Variants in TXNRD2 observed in about 807,000 individuals in gnomAD.
The protein encoded by TXNRD2 is thioredoxin reductase 2, mitochondrial.
Under a neutral mutation model 70.8 loss-of-function variants are expected in TXNRD2, and 67 were observed. The observed-to-expected ratio is 0.95, with a 90% CI of 0.78 to 1.16. The LOEUF is 1.16. Ranked by LOEUF, TXNRD2 falls within the 50% of genes most tolerant of loss-of-function variation. The probability of loss-of-function intolerance (pLI) is 0.00; values close to 1 mark genes in which losing one functional copy is unlikely to be tolerated. For missense variants in TXNRD2, 644 were observed against 719.9 expected (o/e 0.89, Z 1.21); for synonymous variants, 301 against 295.8 (o/e 1.02, Z -0.18).
chr22:19,939,969 C>A, intron 1 of TXNRD2, among the ~76,000 whole-genome samples: 1 of 152,022 alleles, frequency 6.6e-6, no homozygotes, highest in East Asian at 1.9e-4. Context: ...CTCGGCTGGG[C>A]GCAGTGGCTC....
At position 19,899,044 on chromosome 22, in the gene TXNRD2, G is replaced by C. The variant is rs1470456087; in HGVS notation, c.682+5C>G. ...GACGGCCACCTGCACGCTTGCAAAG[G>C]ATACAGCTGGCCCCGACCACCAACC... is the stretch of plus-strand genomic sequence containing the variant. On this transcript the variant is annotated splice_donor_5th_base_variant and intron_variant, in intron 9 of 17. Transcript: ENST00000400521. The C allele has an allele frequency of 8.1e-6, 13 of 1,606,378 alleles. No homozygotes were observed. In the South Asian group the frequency reaches 1.4e-4, roughly 18 times the overall value.
In TXNRD2 at chr22:19,918,131, G is replaced by A. The variant is rs1940718832; in HGVS notation, c.449+12C>T. The A allele has an allele frequency of 6.2e-7, 1 of 1,613,322 alleles. No homozygotes were observed. Among genetic ancestry groups the A allele is most frequent in the Non-Finnish European group, 8.5e-7 (1 of 1,179,394 alleles). Reference sequence around the variant, plus strand: ...CCAGAGGGCGGCCCATTCCCGGAGAGAGCTTCAGTACCTGTCCTGAAGCTG... The same window carrying A: ...CCAGAGGGCGGCCCATTCCCGGAGAAAGCTTCAGTACCTGTCCTGAAGCTG... On this transcript the variant is annotated intron_variant, in intron 5 of 17. Coordinates refer to ENST00000400521, the MANE Select transcript of TXNRD2 (RefSeq NM_006440.5).
chr22:19,917,226 G>C (rs1180051195), intron 5 of TXNRD2, among the ~76,000 whole-genome samples: 1 of 152,206 alleles, frequency 6.6e-6, no homozygotes, highest in African/African-American at 2.4e-5. Context: ...CCGTCCAGGA[G>C]CTGCCCAGGG....
chr22:19,889,196 T>C (rs1345469881), intron 11 of TXNRD2, among the ~76,000 whole-genome samples: 1 of 152,130 alleles, frequency 6.6e-6, no homozygotes, highest in East Asian at 1.9e-4. Context: ...TCAAGCTGCC[T>C]ATGTGCATTA....
At position 19,895,495 on chromosome 22, in the gene TXNRD2, G is replaced by A. The variant is rs746457439; in HGVS notation, c.861C>T (p.Leu287=). 2.5e-6 allele frequency: 4 copies of A among 1,613,834 alleles called. No individual in the cohort carries two copies. The Admixed American group carries it at 6.7e-5, about 27-fold the overall frequency. ...AGGTGACCTGCAGCTGGCCATCAGG[G>A]AGCCTCCTGACCCGCGAGGGGGCAC... is the stretch of plus-strand genomic sequence containing the variant. The part of the protein sequence containing the change: ...RGCAPSRVRR[L]PDGQLQVTWE... Residue 287 remains leucine (L), a synonymous_variant, in exon 11 of 18, where the codon CTC becomes CTT. Transcript: ENST00000400521.
rs758790391 is a variant in TXNRD2, at chr22:19,878,164, T to TG, written c.1370dup (p.Gln458ThrfsTer45). The TG allele has an allele frequency of 6.8e-6, 11 of 1,613,246 alleles. No individual in the cohort carries two copies. The African/African-American group carries it at 1.5e-4, about 21-fold the overall frequency. ...GGAAATGCAGGCCCAGCACCAGCTG[T>TG]GGGGGCTCCCTCAGGCACACCATCT... On this transcript the variant is annotated frameshift_variant, in exon 16 of 18. Coordinates refer to ENST00000400521, the MANE Select transcript of TXNRD2 (RefSeq NM_006440.5). LOFTEE classifies it high-confidence loss of function.
chr22:19,879,466 G>A (rs1180524230), intron 14 of TXNRD2, among the ~76,000 whole-genome samples: 1 of 150,734 alleles, frequency 6.6e-6, no homozygotes, highest in Non-Finnish European at 1.5e-5. Flanking sequence ...AAGCAGGCTT[G>A]CTCGATGAAA....
In TXNRD2 at chr22:19,892,163, G is replaced by A. The variant is rs78998983; in HGVS notation, c.949+3244C>T. ...AGATGTTGGCATTGCCAGCTGTGCC[G>A]CCCCTAGGGCGCTTTATTTTAACCT... is the stretch of plus-strand genomic sequence containing the variant. On this transcript the variant is annotated intron_variant, in intron 11 of 17. Transcript: ENST00000400521. Among the ~76,000 whole-genome samples, 529 of 152,376 alleles carry A rather than the reference G, an allele frequency of 3.5e-3. 8 individuals are homozygous for A. The highest frequency in any genetic ancestry group is 0.012 in the African/African-American group (499 of 41,586).
intron 9 of TXNRD2, 125 bp downstream of exon 9, chr22:19,898,922 CGA>C: frequency 1.6e-6 from 2 of 1,219,526 alleles, no homozygotes; most frequent in South Asian, 1.3e-5. Context: ...TCCTCCACGC[CGA>C]GAGGCCCAGT....
chr22:19,914,130 C>T (rs1341743809), intron 7 of TXNRD2, among the ~76,000 whole-genome samples: 1 of 152,168 alleles, frequency 6.6e-6, no homozygotes, highest in African/African-American at 2.4e-5. Flanking sequence ...GACCCTTACA[C>T]CCCACTGGAA....
At chr22:19,912,363 A>G (rs2904563) in intron 7 of TXNRD2, among the ~76,000 whole-genome samples, 36,057 of 152,200 alleles carry the variant, frequency 0.24, 6,019 homozygotes, top group African/African-American at 0.47. Flanking sequence ...AGGGCGTGGC[A>G]GGGAGAGCGA....
In TXNRD2 at chr22:19,918,172, G is replaced by C. The variant is rs1233718819; in HGVS notation, c.420C>G (p.Asn140Lys). 7 of 1,614,206 alleles carry C rather than the reference G, an allele frequency of 4.3e-6. No homozygotes were observed. The highest frequency in any genetic ancestry group is 5.9e-6 in the Non-Finnish European group (7 of 1,180,026). ...EAVQNHVKSL[N>K]WGHRVQLQDR... ...CCTGAAGCTGGACACGGTGGCCCCA[G>C]TTCAAGGATTTCACGTGATTTTGAA... Residue 140 changes from asparagine (N) to lysine (K), a missense_variant, in exon 5 of 18, where the codon AAC becomes AAG. Physicochemically the swap from Asn to Lys is moderately conservative, Grantham distance 94 (BLOSUM62 0). Around this residue, in one of 3 missense-constraint regions of TXNRD2, gnomAD observed 566 missense variants for 645.0 expected, o/e 0.88. Transcript: ENST00000400521.
At chr22:19,895,017 A>G in intron 11 of TXNRD2, 1 of 1,534,298 alleles carries the variant, frequency 6.5e-7, no homozygotes. Context: ...TTAAACCTGG[A>G]AGGTGACAAG....
intron 2 of TXNRD2, among the ~76,000 whole-genome samples, chr22:19,924,062 G>A (rs990630631): frequency 3.3e-5 from 5 of 151,666 alleles, no homozygotes; most frequent in African/African-American, 1.2e-4. Context: ...GTGCAGCGGT[G>A]CGATCACAGC....
intron 11 of TXNRD2, among the ~76,000 whole-genome samples, chr22:19,885,088 C>T (rs1196459512): frequency 3.3e-5 from 5 of 152,128 alleles, no homozygotes; most frequent in East Asian, 3.9e-4. Context: ...GCCTGGGGCC[C>T]GGAGAGAGGG....
intron 8 of TXNRD2, among the ~76,000 whole-genome samples, chr22:19,906,918 C>T (rs867036260): frequency 4.2e-5 from 4 of 94,730 alleles, no homozygotes; most frequent in South Asian, 5.2e-4. Context: ...ATAGCAGTGA[C>T]GGCTCTCAGG....
At chr22:19,893,899 G>A (rs1160965563) in intron 11 of TXNRD2, 1 of 152,260 alleles carries the variant, frequency 6.6e-6, no homozygotes, top group Admixed American at 6.5e-5. Flanking sequence ...GCCACGAGAA[G>A]GCTGGACAGA....
At chr22:19,916,120 C>T in intron 5 of TXNRD2, 1 of 427,270 alleles carries the variant, frequency 2.3e-6, no homozygotes. Context: ...AGGCCACGTA[C>T]AGCCCTGGTG....
chr22:19,883,944 C>CAAA (rs35225890), intron 11 of TXNRD2: 8,235 of 133,326 alleles, frequency 0.062, 777 homozygotes, highest in African/African-American at 0.21. Context: ...AACTCTGTCT[C>CAAA]AAAAAAAAAA....
Sources: allele counts gnomAD v4.1 joint callset (sites outside exome capture counted in the v4.1 genomes callset), GRCh38; gene constraint gnomAD v4.1.1; regional missense constraint gnomAD v4.1.1; transcripts MANE v1.5; gene names NCBI Gene and HGNC (gene_info 2026-07-23, HGNC 2026-07-21).